The following FRMD4A variants were observed in gnomAD, a reference collection of about 807,000 sequenced individuals.
FRMD4A encodes FERM domain-containing protein 4A.
In FRMD4A, 29 loss-of-function variants were observed where a neutral mutation model predicts 129.1. That is an observed-to-expected ratio of 0.22 (90% CI 0.17 to 0.31). The LOEUF is 0.31. Ranked by LOEUF, FRMD4A falls within the 10% of genes least tolerant of loss-of-function variation. The probability of loss-of-function intolerance (pLI) is 1.00; values close to 1 mark genes in which losing one functional copy is unlikely to be tolerated. For synonymous variants in FRMD4A, 634 were observed against 571.6 expected, an observed-to-expected ratio of 1.11 and a Z score of -1.56; for missense variants, 1,272 against 1,375.8, an observed-to-expected ratio of 0.92 and a Z score of 1.19.
intron 12 of FRMD4A, among the ~76,000 whole-genome samples, chr10:13,725,826 T>C (rs1588441735): frequency 6.6e-6 from 1 of 152,356 alleles, no homozygotes; most frequent in East Asian, 1.9e-4. Flanking sequence ...CAATATTTGC[T>C]ATGTCAAGGC....
intron 2 of FRMD4A, among the ~76,000 whole-genome samples, chr10:13,946,564 A>G (rs373901291): frequency 2.3e-5 from 3 of 129,776 alleles, no homozygotes; most frequent in Non-Finnish European, 3.4e-5. Context: ...CTCGGCCACC[A>G]ACTCACATTT....
chr10:13,867,901 A>AAT (rs201708882), intron 2 of FRMD4A, among the ~76,000 whole-genome samples: 2 of 141,956 alleles, frequency 1.4e-5, no homozygotes, highest in South Asian at 4.2e-4. Flanking sequence ...TACAATAAAT[A>AAT]ATATATATAA....
intron 2 of FRMD4A, among the ~76,000 whole-genome samples, chr10:14,069,056 A>G (rs1214078005): frequency 6.6e-6 from 1 of 151,948 alleles, no homozygotes; most frequent in African/African-American, 2.4e-5. Flanking sequence ...CCCCAATACC[A>G]GCTTCTGCCC....
Position 14,330,160 on chromosome 10 carries a change from TGGCTACA to T in FRMD4A, c.-65_-59del. 6.6e-7 allele frequency: 1 copy of T among 1,525,552 alleles called. No homozygotes were observed. Among genetic ancestry groups the T allele is most frequent in the Non-Finnish European group, 8.9e-7 (1 of 1,125,010 alleles). The allele number at this position is 1,525,552 out of a possible 1,614,324, so 94.5% of individuals were successfully genotyped here. ...CGAGTCAGTCCTCCTGGGCCCCGGG[TGGCTACA>T]GAGCATCCAAAAGCACCTGCAGAAA... On this transcript the variant is annotated 5_prime_UTR_variant, in exon 2 of 25. An upstream open reading frame in the 5' UTR loses its in-frame stop. Transcript: ENST00000357447.
At chr10:14,297,648 G>A (rs1450276957) in intron 2 of FRMD4A, among the ~76,000 whole-genome samples, 1 of 152,148 alleles carries the variant, frequency 6.6e-6, no homozygotes, top group Non-Finnish European at 1.5e-5. Context: ...TGTTTAATAA[G>A]CACCTACTCT....
intron 2 of FRMD4A, among the ~76,000 whole-genome samples, chr10:14,187,697 C>T (rs1046415797): frequency 6.6e-6 from 1 of 152,170 alleles, no homozygotes; most frequent in African/African-American, 2.4e-5. Flanking sequence ...GGGAGGATCG[C>T]CTGAGCCTGG....
In FRMD4A at chr10:14,026,403, T is replaced by C. The variant is rs12414652; in HGVS notation, c.46-167491A>G. Among the ~76,000 whole-genome samples the C allele has an allele frequency of 3.0e-3, 457 of 152,328 alleles. 8 individuals carry two copies. Among genetic ancestry groups the C allele is most frequent in the East Asian group, 0.021 (107 of 5,192 alleles). ...TATTTCAAAAGCAGATTTGGAGTCT[T>C]GTCAGATGAGTTTAGCTTGACAGTG... On this transcript the variant is annotated intron_variant, in intron 2 of 24. Coordinates refer to ENST00000357447, the MANE Select transcript of FRMD4A (RefSeq NM_018027.5).
At chr10:13,994,257 G>A (rs1032949051) in intron 2 of FRMD4A, among the ~76,000 whole-genome samples, 2 of 142,012 alleles carry the variant, frequency 1.4e-5, no homozygotes, top group Non-Finnish European at 3.0e-5. Context: ...TTGGCTCACT[G>A]CAATCTCTTC....
chr10:14,176,984 A>T (rs576703942), intron 2 of FRMD4A, among the ~76,000 whole-genome samples: 24 of 152,306 alleles, frequency 1.6e-4, no homozygotes, highest in African/African-American at 5.3e-4. Flanking sequence ...GCCATGTGCT[A>T]CATTTAGCTT....
chr10:13,796,091 C>T (rs1588764823), intron 5 of FRMD4A, among the ~76,000 whole-genome samples: 4 of 152,236 alleles, frequency 2.6e-5, no homozygotes, highest in South Asian at 4.2e-4. Flanking sequence ...CCAGGTTTCA[C>T]GAGATTCAAG....
chr10:14,011,463 C>T (rs562594836), intron 2 of FRMD4A, among the ~76,000 whole-genome samples: 19 of 152,248 alleles, frequency 1.2e-4, no homozygotes, highest in East Asian at 1.9e-4. Context: ...GAGACTCAGC[C>T]GCTGCTGAAG....
chr10:14,018,998 T>C (rs923625455), intron 2 of FRMD4A, among the ~76,000 whole-genome samples: 2 of 152,130 alleles, frequency 1.3e-5, no homozygotes, highest in African/African-American at 4.8e-5. Flanking sequence ...AACACGCACA[T>C]TTACTTCTCA....
chr10:14,138,738 C>T lies in FRMD4A; in HGVS notation c.45+191320G>A, dbSNP rs528966352. ...TCGCACCACTGCACTCCAGCCTGGGCGACAGACAGACTCCATCTAAAAAAA... is the reference window on the plus strand; with the variant it reads ...TCGCACCACTGCACTCCAGCCTGGGTGACAGACAGACTCCATCTAAAAAAA... On this transcript the variant is annotated intron_variant, in intron 2 of 24. Transcript: ENST00000357447. 3.0e-4 allele frequency among the ~76,000 whole-genome samples: 45 copies of T among 148,796 alleles called. 1 individual carries two copies. In the South Asian group the frequency reaches 8.1e-3, roughly 27 times the overall value.
At chr10:14,191,133 G>A (rs559605881) in intron 2 of FRMD4A, among the ~76,000 whole-genome samples, 1 of 152,152 alleles carries the variant, frequency 6.6e-6, no homozygotes, top group African/African-American at 2.4e-5. Flanking sequence ...GTTAGTTACT[G>A]GTTGTACTCT....
At chr10:13,933,747 C>G (rs1410698217) in intron 2 of FRMD4A, among the ~76,000 whole-genome samples, 1 of 152,174 alleles carries the variant, frequency 6.6e-6, no homozygotes, top group East Asian at 1.9e-4. Context: ...TCTGTTGCCT[C>G]TCTCCTGTAT....
intron 2 of FRMD4A, among the ~76,000 whole-genome samples, chr10:14,209,762 T>C (rs1214382635): frequency 6.7e-6 from 1 of 149,198 alleles, no homozygotes; most frequent in East Asian, 2.0e-4. Context: ...GGTGCATGCC[T>C]GCAGTCCCAG....
intron 2 of FRMD4A, among the ~76,000 whole-genome samples, chr10:14,126,671 C>T (rs1005751391): frequency 2.0e-5 from 3 of 152,154 alleles, no homozygotes; most frequent in Non-Finnish European, 4.4e-5. Context: ...CTGGACCACC[C>T]CTGGGCTGAT....
chr10:13,851,905 TA>T (rs34091812), intron 3 of FRMD4A, among the ~76,000 whole-genome samples: 110,993 of 142,644 alleles, frequency 0.78, 42,839 homozygotes, highest in East Asian at 0.91. Context: ...TCTCAAAAAT[TA>T]AAAAAAAAAA....
intron 2 of FRMD4A, among the ~76,000 whole-genome samples, chr10:13,980,323 C>G (rs757469534): frequency 1.3e-5 from 2 of 152,196 alleles, no homozygotes; most frequent in East Asian, 3.8e-4. Flanking sequence ...ACAAGCCCTC[C>G]GCATTCCAGC....
Sources: gnomAD v4.1 joint callset for allele counts (sites outside exome capture counted in the v4.1 genomes callset) on GRCh38, gnomAD v4.1.1 for gene constraint, MANE v1.5 for transcripts, NCBI Gene and HGNC (gene_info 2026-07-23, HGNC 2026-07-21) for gene names.